The following PRKCZ variants were observed in gnomAD, a reference collection of about 807,000 sequenced individuals.
PRKCZ encodes the protein protein kinase C zeta type.
In PRKCZ, 33 loss-of-function variants were observed where a neutral mutation model predicts 79.5. The ratio of observed to expected loss-of-function variants is 0.41; its 90% CI spans 0.31 to 0.55. The LOEUF (loss-of-function observed/expected upper bound fraction) is 0.55, where lower values mean the gene tolerates loss of function less well. Ranked by LOEUF, PRKCZ falls within the 20% of genes least tolerant of loss-of-function variation. PRKCZ has a pLI of 0.19. For missense variants in PRKCZ, 578 were observed against 813.5 expected (o/e 0.71, Z 3.52); for synonymous variants, 342 against 320.9 (o/e 1.07, Z -0.70).
intron 4 of PRKCZ, among the ~76,000 whole-genome samples, chr1:2,118,222 C>T (rs1444845262): frequency 6.6e-6 from 1 of 151,610 alleles, no homozygotes; most frequent in Non-Finnish European, 1.5e-5. Context: ...GTCTTGAACC[C>T]CTGACCTTAG....
chr1:2,077,292 T>C (rs1203740262), intron 4 of PRKCZ, among the ~76,000 whole-genome samples: 2 of 152,226 alleles, frequency 1.3e-5, no homozygotes, highest in East Asian at 1.9e-4. Context: ...TGAAGTTTTC[T>C]TTTTGAACGT....
intron 4 of PRKCZ, among the ~76,000 whole-genome samples, chr1:2,068,877 C>A (rs561106527): frequency 1.8e-4 from 28 of 152,334 alleles, no homozygotes; most frequent in African/African-American, 5.5e-4. Context: ...TCTGTAGGTT[C>A]TTCTGGCTGG....
intron 10 of PRKCZ, among the ~76,000 whole-genome samples, chr1:2,160,238 CGTGTGTGTGTGTGTGT>C (rs56068331): frequency 1.1e-4 from 16 of 146,374 alleles, no homozygotes; most frequent in African/African-American, 4.1e-4. Context: ...CAGCAGTGTG[CGTGTGTGTGTGTGTGT>C]GTGTGTGTGT....
At chr1:2,049,931 G>C (rs1171524587), upstream of PRKCZ, 2 of 152,350 alleles carry the variant, frequency 1.3e-5, no homozygotes, top group Non-Finnish European at 2.9e-5. Context: ...GGGGGCTGGG[G>C]CCCAGAGAAC....
chr1:2,051,922 G>C (rs1571060322), intron 1 of PRKCZ, among the ~76,000 whole-genome samples: 1 of 152,220 alleles, frequency 6.6e-6, no homozygotes, highest in East Asian at 1.9e-4. Context: ...GCAGTGGCCC[G>C]GGTTTGGTGC....
chr1:2,155,956 T>C, intron 9 of PRKCZ, 39 bp from the exon 10 acceptor site: 1 of 1,574,580 alleles, frequency 6.4e-7, no homozygotes, highest in Non-Finnish European at 8.7e-7. Flanking sequence ...GTGAGGAGCA[T>C]TCGGGAGCCT....
At chr1:2,180,397 G>A in intron 16 of PRKCZ, among the ~76,000 whole-genome samples, 1 of 152,176 alleles carries the variant, frequency 6.6e-6, no homozygotes, top group East Asian at 1.9e-4. Context: ...TGGACGCACA[G>A]ACGATGTGGA....
At chr1:2,051,063 T>TAA (rs1659593927) in intron 1 of PRKCZ, 1 of 197,222 alleles carries the variant, frequency 5.1e-6, no homozygotes, top group African/African-American at 2.3e-5. Flanking sequence ...GCGGGTTTCT[T>TAA]AAAATCAGCG....
In PRKCZ at chr1:2,127,552, A is replaced by G. The variant is rs1255851414; in HGVS notation, c.335-7710A>G. Among the ~76,000 whole-genome samples the G allele has an allele frequency of 6.6e-6, 1 of 152,168 alleles. No homozygotes were observed. Among genetic ancestry groups the G allele is most frequent in the Non-Finnish European group, 1.5e-5 (1 of 68,036 alleles). On this transcript the variant is annotated intron_variant, in intron 4 of 17. Coordinates refer to ENST00000378567, the MANE Select transcript of PRKCZ (RefSeq NM_002744.6). The surrounding 1 kb of genome is among the most constrained non-coding windows in gnomAD (Gnocchi z 5.1). ...GAACGGTGCCTGCATGGCTGGCACT[A>G]TCCAGCGCAGAAGGAATGAAGGACT...
intron 4 of PRKCZ, among the ~76,000 whole-genome samples, chr1:2,065,678 CAAAA>C (rs61017134): frequency 1.6e-4 from 9 of 56,104 alleles, no homozygotes; most frequent in African/African-American, 4.9e-4. Flanking sequence ...GACTCTGTCT[CAAAA>C]AAAAAAAAAA....
chr1:2,087,754 A>C (rs1664779887), intron 4 of PRKCZ, among the ~76,000 whole-genome samples: 1 of 152,156 alleles, frequency 6.6e-6, no homozygotes, highest in Admixed American at 6.5e-5. Flanking sequence ...GGGGAGGTTA[A>C]AACCTTCCTG....
chr1:2,074,302 G>A (rs1225673955), intron 4 of PRKCZ: 14 of 1,548,728 alleles, frequency 9.0e-6, no homozygotes, highest in South Asian at 7.1e-5. Context: ...TGGTGGATGT[G>A]TGGCGGTGGC....
chr1:2,123,992 G>A (rs868693601), intron 4 of PRKCZ, among the ~76,000 whole-genome samples: 2 of 8,484 alleles, frequency 2.4e-4, no homozygotes, highest in African/African-American at 8.4e-4. Context: ...GGTTAGGGTC[G>A]TGGTGGTTAG....
chr1:2,153,263 T>C (rs1358117111), intron 9 of PRKCZ, among the ~76,000 whole-genome samples: 1 of 152,268 alleles, frequency 6.6e-6, no homozygotes, highest in Admixed American at 6.5e-5. Flanking sequence ...TTTTGGTCTT[T>C]TGCTTTCATT....
At chr1:2,116,009 A>G (rs1670674293) in intron 4 of PRKCZ, among the ~76,000 whole-genome samples, 1 of 152,182 alleles carries the variant, frequency 6.6e-6, no homozygotes, top group African/African-American at 2.4e-5. Context: ...CCAACCCGCT[A>G]GGCATTCCTT....
chr1:2,055,067 C>T (rs966519911), intron 1 of PRKCZ, among the ~76,000 whole-genome samples: 5 of 152,038 alleles, frequency 3.3e-5, no homozygotes, highest in African/African-American at 9.6e-5. Context: ...CTCAGCCTCC[C>T]GAGTAGCTGG....
intron 1 of PRKCZ, among the ~76,000 whole-genome samples, chr1:2,053,004 G>A (rs532014517): frequency 6.6e-6 from 1 of 152,232 alleles, no homozygotes; most frequent in South Asian, 2.1e-4. Context: ...AGGCACCTGT[G>A]TTTTCAGGGA....
intron 1 of PRKCZ, among the ~76,000 whole-genome samples, chr1:2,052,910 C>T (rs1659817322): frequency 6.6e-6 from 1 of 152,172 alleles, no homozygotes; most frequent in South Asian, 2.1e-4. Flanking sequence ...GTCATCCTTG[C>T]CTGTCCTCCC....
In PRKCZ at chr1:2,059,570, C is replaced by T; in HGVS notation, c.313C>T (p.Leu105=). 3 of 1,614,210 alleles carry T rather than the reference C, an allele frequency of 1.9e-6. No individual in the cohort carries two copies. Among genetic ancestry groups the T allele is most frequent in the Non-Finnish European group, 2.5e-6 (3 of 1,180,014 alleles). ...CCCGAGCACCCCTGAGCAGCCTGGC[C>T]TGCCATGTCCGGGAGAAGACAGTGA... ...VFPSTPEQPG[L]PCPGEDKSIY... is the part of the protein sequence containing the mutation. The change falls in exon 4 of 18, where the codon CTG becomes TTG. Residue 105 remains leucine (L), a synonymous_variant. Coordinates refer to ENST00000378567, the MANE Select transcript of PRKCZ (RefSeq NM_002744.6).
Sources: gnomAD v4.1 joint callset for allele counts (sites outside exome capture counted in the v4.1 genomes callset) on GRCh38, gnomAD v4.1.1 for gene constraint, Gnocchi (gnomAD v3.1) non-coding constraint, MANE v1.5 for transcripts, NCBI Gene and HGNC (gene_info 2026-07-23, HGNC 2026-07-21) for gene names.